The following VIPR1 variants were observed in gnomAD, a reference collection of about 807,000 sequenced individuals.
The protein encoded by VIPR1 is vasoactive intestinal peptide receptor 1.
Under a neutral mutation model 58.8 loss-of-function variants are expected in VIPR1, and 59 were observed. The ratio of observed to expected loss-of-function variants is 1.00; its 90% CI spans 0.81 to 1.25. The LOEUF (loss-of-function observed/expected upper bound fraction) is 1.25, where lower values mean the gene tolerates loss of function less well. Among genes scored for constraint, VIPR1 ranks in the 50% most tolerant of loss-of-function variants. VIPR1 has a pLI of 0.00. For missense variants in VIPR1, 626 were observed against 602.7 expected (o/e 1.04, Z -0.40); for synonymous variants, 251 against 242.1 (o/e 1.04, Z -0.34).
chr3:42,493,053 G>A (rs539309141), intron 1 of VIPR1, among the ~76,000 whole-genome samples: 8 of 152,348 alleles, frequency 5.3e-5, no homozygotes, highest in East Asian at 3.9e-4. Flanking sequence ...TTGCCAATCC[G>A]GTGTAATGAG....
At chr3:42,493,052 C>T (rs939551267) in intron 1 of VIPR1, among the ~76,000 whole-genome samples, 8 of 152,194 alleles carry the variant, frequency 5.3e-5, no homozygotes, top group African/African-American at 1.4e-4. Flanking sequence ...TTTGCCAATC[C>T]GGTGTAATGA....
At chr3:42,534,548 A>G (rs114148720) in intron 10 of VIPR1, 1,862 of 155,408 alleles carry the variant, frequency 0.012, 18 homozygotes, top group Non-Finnish European at 0.017. Flanking sequence ...GAGATTTTCT[A>G]CTGCTCTTGA....
chr3:42,510,222 G>T (rs1008941985), intron 1 of VIPR1, among the ~76,000 whole-genome samples: 8 of 152,136 alleles, frequency 5.3e-5, no homozygotes, highest in Non-Finnish European at 1.0e-4. Flanking sequence ...ACTTTCTGGG[G>T]TGCTCTTACT....
At chr3:42,530,702 C>T in intron 6 of VIPR1, 77 bp from the exon 7 acceptor site, 2 of 1,509,440 alleles carry the variant, frequency 1.3e-6, no homozygotes, top group Admixed American at 2.0e-5. Context: ...CTGTGTTTGT[C>T]CCCCCAGACA....
chr3:42,515,231 C>T (rs1269783385), intron 2 of VIPR1, among the ~76,000 whole-genome samples: 1 of 152,252 alleles, frequency 6.6e-6, no homozygotes, highest in Non-Finnish European at 1.5e-5. Flanking sequence ...CTTCTTGGCC[C>T]TGGTGCCCAG....
intron 3 of VIPR1, among the ~76,000 whole-genome samples, chr3:42,523,939 T>A (rs472663): frequency 6.6e-6 from 1 of 152,152 alleles, no homozygotes; most frequent in African/African-American, 2.4e-5. Flanking sequence ...TGCCTCAGCC[T>A]CCTGAGTAGC....
At chr3:42,499,707 G>A (rs980116600), upstream of VIPR1, among the ~76,000 whole-genome samples, 3 of 152,134 alleles carry the variant, frequency 2.0e-5, no homozygotes, top group African/African-American at 7.2e-5. Context: ...CTTTGGACAG[G>A]GTGGGGAGAT....
intron 5 of VIPR1, 94 bp from the exon 6 acceptor site, chr3:42,527,897 C>T (rs760829530): frequency 1.2e-5 from 18 of 1,530,810 alleles, no homozygotes; most frequent in East Asian, 6.8e-5. Flanking sequence ...ACACATGCTC[C>T]CCTGCCCCAC....
At chr3:42,522,945 G>A (rs1021625030) in intron 3 of VIPR1, among the ~76,000 whole-genome samples, 3 of 152,158 alleles carry the variant, frequency 2.0e-5, no homozygotes, top group South Asian at 2.1e-4. Context: ...CCTTCTGGTC[G>A]TCATGGCTAT....
chr3:42,504,331 A>G (rs1482666931), intron 1 of VIPR1, among the ~76,000 whole-genome samples: 1 of 151,860 alleles, frequency 6.6e-6, no homozygotes, highest in Non-Finnish European at 1.5e-5. Flanking sequence ...TCTACTTCAC[A>G]CTTCCTGAGA....
At chr3:42,526,832 C>T (rs771678655) in intron 4 of VIPR1, among the ~76,000 whole-genome samples, 1 of 152,156 alleles carries the variant, frequency 6.6e-6, no homozygotes, top group Admixed American at 6.5e-5. Flanking sequence ...GAGACACCCT[C>T]GGGGCCTAGC....
intron 10 of VIPR1, chr3:42,532,539 G>T: frequency 1.6e-6 from 1 of 620,928 alleles, no homozygotes; most frequent in Non-Finnish European, 2.9e-6. Context: ...TCAGAGCCCT[G>T]CATGCTTCTC....
intron 2 of VIPR1, among the ~76,000 whole-genome samples, chr3:42,518,883 G>A (rs569589814): frequency 6.6e-6 from 1 of 152,358 alleles, no homozygotes; most frequent in East Asian, 1.9e-4. Flanking sequence ...TTGTGCAGGA[G>A]TTGTCTGTCT....
intron 3 of VIPR1, 38 bp from the exon 4 acceptor site, chr3:42,525,849 G>C (rs763608938): frequency 6.4e-7 from 1 of 1,558,918 alleles, no homozygotes; most frequent in Non-Finnish European, 8.7e-7. Context: ...CCATGCTCCC[G>C]GCCTCAGCCT....
chr3:42,528,105 C>T lies in VIPR1; in HGVS notation c.618C>T (p.Asp206=). 1 of 1,613,806 alleles carries T rather than the reference C, an allele frequency of 6.2e-7. No individual in the cohort carries two copies. Among genetic ancestry groups the T allele is most frequent in the Non-Finnish European group, 8.5e-7 (1 of 1,179,920 alleles). Residue 206 remains aspartate (D), a synonymous_variant, in exon 6 of 13, where the codon GAC becomes GAT. Coordinates refer to ENST00000325123, the MANE Select transcript of VIPR1 (RefSeq NM_004624.4). The stretch of plus-strand genomic sequence containing the variant: ...CCCTCTTCGACAGCGGGGAGTCGGA[C>T]CAGTGCTCCGAGGGCTCGGTGAGGA... ...DLALFDSGES[D]QCSEGSVGCK... is the part of the protein sequence containing the mutation.
chr3:42,525,655 G>C (rs1010022341), intron 3 of VIPR1, among the ~76,000 whole-genome samples: 2 of 152,240 alleles, frequency 1.3e-5, no homozygotes, highest in Non-Finnish European at 2.9e-5. Context: ...AAAGGGCTGA[G>C]CCCAAGAATG....
At chr3:42,511,440 T>C (rs148176424) in intron 1 of VIPR1, among the ~76,000 whole-genome samples, 138 of 152,272 alleles carry the variant, frequency 9.1e-4, no homozygotes, top group Non-Finnish European at 1.6e-3. Flanking sequence ...TAAGCCTTGG[T>C]CACATGTCAA....
rs71315548 is a variant in VIPR1, at chr3:42,525,889, C to A, written c.295C>A (p.Arg99Ser). ...IFKLFSSIQG[R>S]NVSRSCTDEG... ...CCTTGCCCCTGCCCTCCACCCAGGCCGCAATGTAAGCCGCAGCTGCACCGA... is the reference window on the plus strand; with the variant it reads ...CCTTGCCCCTGCCCTCCACCCAGGCAGCAATGTAAGCCGCAGCTGCACCGA... The change falls in exon 4 of 13, where the codon CGC becomes AGC. Residue 99 changes from arginine to serine, a missense_variant and splice_region_variant. Coordinates refer to ENST00000325123, the MANE Select transcript of VIPR1 (RefSeq NM_004624.4). The A allele has an allele frequency of 3.0e-3, 4,878 of 1,608,186 alleles. 10 individuals are homozygous for A. The highest frequency in any genetic ancestry group is 3.9e-3 in the Non-Finnish European group (4,592 of 1,177,602).
At chr3:42,526,024 C>T (rs751948924) in intron 4 of VIPR1, 31 bp downstream of exon 4, 2 of 1,582,928 alleles carry the variant, frequency 1.3e-6, no homozygotes, top group South Asian at 1.1e-5. Context: ...ACCTCACCTG[C>T]AGAGCGCCGG....
Sources: gnomAD v4.1 joint callset for allele counts (sites outside exome capture counted in the v4.1 genomes callset) on GRCh38, gnomAD v4.1.1 for gene constraint, MANE v1.5 for transcripts, NCBI Gene and HGNC (gene_info 2026-07-23, HGNC 2026-07-21) for gene names.